Variants in SMAD6 observed in about 807,000 individuals in gnomAD.
SMAD6 encodes the protein MAD homolog 6.
Under a neutral mutation model 39.4 loss-of-function variants are expected in SMAD6, and 103 were observed. That is an observed-to-expected ratio of 2.62 (90% CI 2.23 to 3.08). The LOEUF (loss-of-function observed/expected upper bound fraction) is 3.08. Ranked by LOEUF, SMAD6 falls within the 30% of genes most tolerant of loss-of-function variation. The pLI is 0.00. For missense variants in SMAD6, 1,104 were observed against 742.9 expected (o/e 1.49, Z -5.65); for synonymous variants, 445 against 353.3 (o/e 1.26, Z -2.91).
intron 3 of SMAD6, among the ~76,000 whole-genome samples, chr15:66,772,217 A>C (rs1894390947): frequency 6.6e-6 from 1 of 152,226 alleles, no homozygotes; most frequent in African/African-American, 2.4e-5. Context: ...CTAAGCCTAG[A>C]TAGATGGAAG....
At chr15:66,740,210 A>G (rs890216464) in intron 3 of SMAD6, among the ~76,000 whole-genome samples, 6 of 152,146 alleles carry the variant, frequency 3.9e-5, no homozygotes. Flanking sequence ...ATTCCTGGCT[A>G]TGCTACATCC....
In SMAD6 at chr15:66,703,533, C is replaced by A. The variant is rs1893028475; in HGVS notation, c.275C>A (p.Pro92His). Residue 92 changes from proline to histidine, a missense_variant, in exon 1 of 4, where the codon CCC (proline) becomes CAC (histidine). Pro to His is a moderately conservative substitution (Grantham distance 77). Coordinates refer to ENST00000288840, the MANE Select transcript of SMAD6 (RefSeq NM_005585.5). ...RRRRAGGPPR[P>H]MSEPGAGAGS... is the part of the protein sequence containing the mutation. ...CGGCGCGCAGGGGGCCCCCCGAGGCCCATGTCGGAGCCAGGGGCCGGCGCT... is the reference window on the plus strand; with the variant it reads ...CGGCGCGCAGGGGGCCCCCCGAGGCACATGTCGGAGCCAGGGGCCGGCGCT... The A allele has an allele frequency of 3.3e-6, 4 of 1,222,042 alleles. No individual in the cohort carries two copies. In the South Asian group the frequency reaches 1.6e-4, roughly 50 times the overall value. The allele number at this position is 1,222,042 out of a possible 1,614,324, so 75.7% of individuals were successfully genotyped here. A position where few individuals can be genotyped will look rare whatever the true frequency, so the allele number is the denominator to read the frequency against.
At chr15:66,763,558 G>A (rs183097776) in intron 3 of SMAD6, among the ~76,000 whole-genome samples, 9 of 152,324 alleles carry the variant, frequency 5.9e-5, no homozygotes, top group African/African-American at 2.2e-4. Flanking sequence ...GGCCAGGACC[G>A]ACGCACCCTC....
chr15:66,711,579 T>C, intron 1 of SMAD6, 89 bp from the exon 2 acceptor site: 2 of 1,021,976 alleles, frequency 2.0e-6, no homozygotes, highest in Non-Finnish European at 3.1e-6. Context: ...CTGAGTTTAT[T>C]ATTTGGGAAA....
intron 3 of SMAD6, among the ~76,000 whole-genome samples, chr15:66,730,645 A>G (rs1308518472): frequency 2.0e-5 from 3 of 152,194 alleles, no homozygotes; most frequent in Non-Finnish European, 2.9e-5. Flanking sequence ...AGTAATAATG[A>G]CAACAGCAGT....
At chr15:66,757,260 G>T (rs1280876637) in intron 3 of SMAD6, among the ~76,000 whole-genome samples, 2 of 152,190 alleles carry the variant, frequency 1.3e-5, no homozygotes, top group East Asian at 1.9e-4. Context: ...GGGAGGAGGC[G>T]TGGTGTGCAG....
intron 3 of SMAD6, chr15:66,717,533 C>G (rs760338528): frequency 7.5e-5 from 33 of 439,728 alleles, no homozygotes; most frequent in Non-Finnish European, 9.4e-6. Flanking sequence ...TGTATTTCCC[C>G]TAAAGTCCTG....
chr15:66,709,799 C>G (rs1009575466), intron 1 of SMAD6, among the ~76,000 whole-genome samples: 7 of 152,190 alleles, frequency 4.6e-5, no homozygotes, highest in African/African-American at 1.7e-4. Context: ...AAACACTGGC[C>G]TCAATTCTCT....
chr15:66,745,727 G>A, intron 3 of SMAD6, among the ~76,000 whole-genome samples: 1 of 152,178 alleles, frequency 6.6e-6, no homozygotes. Context: ...TCTGCCTCCG[G>A]CTTGCTGTGT....
chr15:66,716,374 G>T, intron 2 of SMAD6, 47 bp from the exon 3 acceptor site: 1 of 1,340,720 alleles, frequency 7.5e-7, no homozygotes. Flanking sequence ...AAAAAAGAGA[G>T]CGCTGCCCCA....
intron 3 of SMAD6, among the ~76,000 whole-genome samples, chr15:66,724,285 GGAAT>G (rs111450497): frequency 0.019 from 2,858 of 150,610 alleles, 79 homozygotes; most frequent in African/African-American, 0.064. Flanking sequence ...GAGTCATTGT[GGAAT>G]GAATGAATGA....
chr15:66,781,602 G>T lies in SMAD6; in HGVS notation c.*67G>T. 1 of 1,250,884 alleles carries T rather than the reference G, an allele frequency of 8.0e-7. No homozygotes were observed. Among genetic ancestry groups the T allele is most frequent in the Non-Finnish European group, 1.1e-6 (1 of 933,668 alleles). 77.5% of individuals were successfully genotyped at this position (1,250,884 alleles called of 1,614,324 possible). A position where few individuals can be genotyped will look rare whatever the true frequency, so the allele number is the denominator to read the frequency against. ...CCGCCACCTGCCGGCCTCGAGAGGG[G>T]CCGATGCCCAGAGACACAGCCCCCA... On this transcript the variant is annotated 3_prime_UTR_variant, in exon 4 of 4. Transcript: ENST00000288840.
chr15:66,728,217 C>G (rs1459555209), intron 3 of SMAD6, among the ~76,000 whole-genome samples: 3 of 152,118 alleles, frequency 2.0e-5, no homozygotes, highest in African/African-American at 4.8e-5. Flanking sequence ...CTCAAAAGCC[C>G]CCTCTCATGT....
chr15:66,752,809 TA>T (rs1567107961), intron 3 of SMAD6, among the ~76,000 whole-genome samples: 1 of 151,304 alleles, frequency 6.6e-6, no homozygotes, highest in East Asian at 1.9e-4. Flanking sequence ...AAAATAATAA[TA>T]AAAAAATACA....
At chr15:66,774,913 G>A (rs1365782429) in intron 3 of SMAD6, among the ~76,000 whole-genome samples, 2 of 151,286 alleles carry the variant, frequency 1.3e-5, no homozygotes, top group African/African-American at 4.9e-5. Context: ...CCAGGCTGGA[G>A]TGCAGTGGTG....
intron 1 of SMAD6, chr15:66,704,828 TC>T (rs1000210592): frequency 1.3e-5 from 2 of 152,500 alleles, no homozygotes; most frequent in African/African-American, 4.8e-5. Flanking sequence ...CTGCCCCCCT[TC>T]TTTGTTCTCC....
chr15:66,751,650 G>T (rs1894008210), intron 3 of SMAD6, among the ~76,000 whole-genome samples: 1 of 152,240 alleles, frequency 6.6e-6, no homozygotes, highest in African/African-American at 2.4e-5. Flanking sequence ...TGGGGAGGAG[G>T]TGACTGGCCA....
At chr15:66,757,240 C>T (rs982354825) in intron 3 of SMAD6, among the ~76,000 whole-genome samples, 13 of 152,336 alleles carry the variant, frequency 8.5e-5, no homozygotes, top group Middle Eastern at 3.4e-3. Flanking sequence ...AACTCCAATA[C>T]GCAGGGTACG....
At position 66,747,129 on chromosome 15, in the gene SMAD6, T is replaced by C. The variant is rs1893921705; in HGVS notation, c.952+30631T>C. Among the ~76,000 whole-genome samples the C allele has an allele frequency of 6.6e-6, 1 of 152,276 alleles. No individual in the cohort carries two copies. The highest frequency in any genetic ancestry group is 1.5e-5 in the Non-Finnish European group (1 of 68,042). On this transcript the variant is annotated intron_variant, in intron 3 of 3. Transcript: ENST00000288840. This position sits in a 1 kb window ranked among gnomAD's most constrained non-coding sequence, Gnocchi z 4.5. The stretch of plus-strand genomic sequence containing the variant: ...AATCCAACTAATCTAATTGATCCAG[T>C]TGATCTTCCCTGAGAGGATCCAGCC...
Sources: gnomAD v4.1 joint callset for allele counts (sites outside exome capture counted in the v4.1 genomes callset) on GRCh38, gnomAD v4.1.1 for gene constraint, Gnocchi (gnomAD v3.1) non-coding constraint, MANE v1.5 for transcripts, NCBI Gene and HGNC (gene_info 2026-07-23, HGNC 2026-07-21) for gene names.